The following EXOC4 variants were observed in gnomAD, a reference collection of about 807,000 sequenced individuals.
The protein encoded by EXOC4 is exocyst complex component 4, also known as SEC8-like 1.
Under a neutral mutation model 107.2 loss-of-function variants are expected in EXOC4, and 71 were observed. That is an observed-to-expected ratio of 0.66 (90% CI 0.55 to 0.81). EXOC4 has a LOEUF of 0.81. Among genes scored for constraint, EXOC4 ranks in the 30% least tolerant of loss-of-function variants. The pLI is 0.00. For synonymous variants in EXOC4, 456 were observed against 441.2 expected, an observed-to-expected ratio of 1.03 and a Z score of -0.42; for missense variants, 1,108 against 1,189.6, an observed-to-expected ratio of 0.93 and a Z score of 1.01.
intron 10 of EXOC4, among the ~76,000 whole-genome samples, chr7:133,776,088 C>T (rs1796339724): frequency 6.6e-6 from 1 of 152,076 alleles, no homozygotes; most frequent in Non-Finnish European, 1.5e-5. Context: ...TCTAGCTGGG[C>T]TAGAAAGCTA....
the EXOC4 span, among the ~76,000 whole-genome samples, chr7:134,081,035 G>T: frequency 6.6e-6 from 1 of 151,830 alleles, no homozygotes; most frequent in African/African-American, 2.4e-5. Context: ...TTCCTTTCTT[G>T]ACCACCTATT....
At chr7:134,048,429 G>A (rs1456468958) in intron 17 of EXOC4, among the ~76,000 whole-genome samples, 1 of 152,156 alleles carries the variant, frequency 6.6e-6, no homozygotes, top group African/African-American at 2.4e-5. Flanking sequence ...ATATGCCCAG[G>A]AATGAGCAAG....
intron 10 of EXOC4, among the ~76,000 whole-genome samples, chr7:133,646,295 G>A (rs1200402334): frequency 1.3e-5 from 2 of 152,140 alleles, no homozygotes; most frequent in Non-Finnish European, 2.9e-5. Context: ...TCTCCAAGAA[G>A]TATTTTTCAT....
At chr7:133,764,841 T>A (rs1287506716) in intron 10 of EXOC4, among the ~76,000 whole-genome samples, 1 of 152,062 alleles carries the variant, frequency 6.6e-6, no homozygotes, top group Non-Finnish European at 1.5e-5. Flanking sequence ...TTGTTCTCTT[T>A]GACATCTGGA....
chr7:133,630,010 T>G, intron 9 of EXOC4, 35 bp from the exon 10 acceptor site: 281 of 1,487,626 alleles, frequency 1.9e-4, no homozygotes, highest in Non-Finnish European at 2.5e-4. Flanking sequence ...AAAGTTTCAA[T>G]GAGCTAAGTC....
chr7:133,342,766 G>T (rs1795694552), intron 5 of EXOC4, among the ~76,000 whole-genome samples: 1 of 151,716 alleles, frequency 6.6e-6, no homozygotes, highest in South Asian at 2.1e-4. Flanking sequence ...TGAAAGCCTT[G>T]TCTTTGAGCT....
chr7:133,498,034 C>T (rs1799511859), intron 9 of EXOC4, among the ~76,000 whole-genome samples: 1 of 152,092 alleles, frequency 6.6e-6, no homozygotes. Context: ...GAAAGCAGCA[C>T]AGATTATCAT....
At chr7:133,311,390 A>G (rs1346744478) in intron 4 of EXOC4, among the ~76,000 whole-genome samples, 1 of 152,196 alleles carries the variant, frequency 6.6e-6, no homozygotes, top group Non-Finnish European at 1.5e-5. Flanking sequence ...GAGTTGAGAA[A>G]TAGACCCCAG....
chr7:133,331,901 C>T (rs929612974), intron 5 of EXOC4, among the ~76,000 whole-genome samples: 1 of 152,146 alleles, frequency 6.6e-6, no homozygotes, highest in African/African-American at 2.4e-5. Context: ...TCTCCTCAGT[C>T]ACAGTATTTT....
chr7:133,515,084 A>G (rs1387296139), intron 9 of EXOC4, among the ~76,000 whole-genome samples: 1 of 152,096 alleles, frequency 6.6e-6, no homozygotes, highest in African/African-American at 2.4e-5. Context: ...TCTCTACAAG[A>G]TAGTTTATTT....
chr7:133,943,224 T>A (rs552243827), intron 14 of EXOC4, among the ~76,000 whole-genome samples: 1 of 152,136 alleles, frequency 6.6e-6, no homozygotes, highest in African/African-American at 2.4e-5. Context: ...CAGTCCATAT[T>A]CTTAGCCTTT....
At chr7:134,005,470 C>A (rs1794624731) in intron 16 of EXOC4, among the ~76,000 whole-genome samples, 1 of 152,120 alleles carries the variant, frequency 6.6e-6, no homozygotes, top group Admixed American at 6.6e-5. Context: ...CTAAAATTAT[C>A]ACTGGAACGG....
chr7:134,055,500 G>A (rs925216942), intron 17 of EXOC4, among the ~76,000 whole-genome samples: 9 of 152,182 alleles, frequency 5.9e-5, no homozygotes, highest in African/African-American at 2.2e-4. Flanking sequence ...GTTGATGGGA[G>A]CATATGTTCC....
the EXOC4 span, among the ~76,000 whole-genome samples, chr7:134,080,269 GA>G: frequency 6.6e-6 from 1 of 152,000 alleles, no homozygotes. Context: ...GATGGAATGA[GA>G]AAAAAAGGAG....
intron 10 of EXOC4, among the ~76,000 whole-genome samples, chr7:133,781,559 A>G (rs999903531): frequency 2.6e-5 from 4 of 152,236 alleles, no homozygotes; most frequent in African/African-American, 4.8e-5. Flanking sequence ...GACCCTGTAC[A>G]ATCCTAAAAC....
At chr7:133,761,662 C>T (rs1796035352) in intron 10 of EXOC4, among the ~76,000 whole-genome samples, 1 of 152,184 alleles carries the variant, frequency 6.6e-6, no homozygotes, top group Non-Finnish European at 1.5e-5. Flanking sequence ...TCCCATCCCA[C>T]TGTATTGCCT....
At chr7:133,630,979 T>G (rs953250437) in intron 10 of EXOC4, among the ~76,000 whole-genome samples, 1 of 152,186 alleles carries the variant, frequency 6.6e-6, no homozygotes, top group Non-Finnish European at 1.5e-5. Context: ...ATAAAAAAGT[T>G]CTAGAGATCT....
At chr7:133,706,069 A>T (rs568253488) in intron 10 of EXOC4, among the ~76,000 whole-genome samples, 48 of 152,274 alleles carry the variant, frequency 3.2e-4, no homozygotes, top group Admixed American at 1.4e-3. Context: ...CTTAATTTTT[A>T]AAAAAAGTAT....
intron 10 of EXOC4, among the ~76,000 whole-genome samples, chr7:133,639,108 T>C (rs1052806238): frequency 6.6e-6 from 1 of 152,328 alleles, no homozygotes; most frequent in Admixed American, 6.5e-5. Flanking sequence ...GAATTGATAA[T>C]GTAATTTGGT....
Sources: gnomAD v4.1 joint callset for allele counts (sites outside exome capture counted in the v4.1 genomes callset) on GRCh38, gnomAD v4.1.1 for gene constraint, MANE v1.5 for transcripts, NCBI Gene and HGNC (gene_info 2026-07-23, HGNC 2026-07-21) for gene names.